Variants in GSE1 observed in about 807,000 individuals in gnomAD.
GSE1 encodes the protein genetic suppressor element 1.
Under a neutral mutation model 112.6 loss-of-function variants are expected in GSE1, and 32 were observed. The ratio of observed to expected loss-of-function variants is 0.28; its 90% CI spans 0.21 to 0.38. The LOEUF (loss-of-function observed/expected upper bound fraction) is 0.38. GSE1 is among the 10% of genes least tolerant of loss of function. The pLI, the probability that GSE1 is intolerant of heterozygous loss-of-function variation, is 1.00. For synonymous variants in GSE1, 1,115 were observed against 735.6 expected (o/e 1.52, Z -8.35); for missense variants, 2,348 against 1,699.2 (o/e 1.38, Z -6.71).
intron 2 of GSE1, among the ~76,000 whole-genome samples, chr16:85,410,445 C>T (rs1181318336): frequency 1.1e-4 from 2 of 18,456 alleles, no homozygotes; most frequent in Admixed American, 5.7e-4. Flanking sequence ...GGATAATCCT[C>T]ACTGTTACAC....
chr16:85,604,490 C>T (rs2047597621), intron 1 of GSE1, among the ~76,000 whole-genome samples: 2 of 151,684 alleles, frequency 1.3e-5, no homozygotes, highest in African/African-American at 2.4e-5. Context: ...TTTGCGTGGA[C>T]GCGAAGGTAT....
chr16:85,257,336 C>A (rs1488913079), intron 1 of GSE1, among the ~76,000 whole-genome samples: 1 of 152,188 alleles, frequency 6.6e-6, no homozygotes, highest in Admixed American at 6.5e-5. Context: ...GTCTCGAACT[C>A]TTAACCTCAG....
At chr16:85,474,211 G>C (rs12931110) in intron 2 of GSE1, among the ~76,000 whole-genome samples, 1 of 151,988 alleles carries the variant, frequency 6.6e-6, no homozygotes, top group African/African-American at 2.4e-5. Context: ...GGACAGAGAA[G>C]GGGGGCAGAG....
At position 85,469,659 on chromosome 16, in the gene GSE1, G is replaced by C. The variant is rs555742414; in HGVS notation, c.2464+112016G>C. On this transcript the variant is annotated intron_variant, in intron 2 of 2. Coordinates refer to the GSE1 transcript ENST00000637419. ...GAGGCCCCCAGTACTGTGGGGCATA[G>C]CTTTGGGGACCTGGGTCCTGCTGCT... 2.6e-5 allele frequency among the ~76,000 whole-genome samples: 4 copies of C among 152,336 alleles called. No homozygotes were observed. The South Asian group carries it at 8.3e-4, about 32-fold the overall frequency.
At chr16:85,336,067 C>T (rs368642563) in intron 1 of GSE1, among the ~76,000 whole-genome samples, 25 of 152,220 alleles carry the variant, frequency 1.6e-4, no homozygotes, top group South Asian at 1.0e-3. Flanking sequence ...AGGAACAGGG[C>T]GTGGAGGCTG....
chr16:85,605,647 C>G (rs1389900261), intron 1 of GSE1, among the ~76,000 whole-genome samples: 1 of 151,866 alleles, frequency 6.6e-6, no homozygotes, highest in South Asian at 2.1e-4. Flanking sequence ...CATGTCCATC[C>G]TCCCCCTGCA....
intron 2 of GSE1, among the ~76,000 whole-genome samples, chr16:85,459,814 T>A (rs1474110806): frequency 6.6e-6 from 1 of 152,218 alleles, no homozygotes; most frequent in African/African-American, 2.4e-5. Flanking sequence ...GAGCACTTGT[T>A]TTGTGCAAGG....
At chr16:85,275,252 G>A (rs1207932464) in intron 1 of GSE1, among the ~76,000 whole-genome samples, 4 of 152,196 alleles carry the variant, frequency 2.6e-5, no homozygotes, top group Non-Finnish European at 5.9e-5. Context: ...TCCCTGCTAG[G>A]ACAGCCAGCC....
intron 2 of GSE1, among the ~76,000 whole-genome samples, chr16:85,443,127 C>T (rs2049421150): frequency 6.6e-6 from 1 of 152,238 alleles, no homozygotes; most frequent in Non-Finnish European, 1.5e-5. Flanking sequence ...CAGTAAGGTC[C>T]TAGCCTAAGG....
chr16:85,381,729 G>A (rs898967211), intron 2 of GSE1, among the ~76,000 whole-genome samples: 4 of 152,206 alleles, frequency 2.6e-5, no homozygotes, highest in Non-Finnish European at 5.9e-5. Context: ...GCGGCCCTTG[G>A]GAACTGCTTC....
chr16:85,315,131 A>G (rs1266452455), intron 1 of GSE1, among the ~76,000 whole-genome samples: 2 of 151,568 alleles, frequency 1.3e-5, no homozygotes, highest in Non-Finnish European at 2.9e-5. Context: ...GGGCCTTAAC[A>G]TCTTCCTCTG....
intron 2 of GSE1, among the ~76,000 whole-genome samples, chr16:85,541,356 C>T (rs1598115412): frequency 1.3e-5 from 2 of 152,352 alleles, no homozygotes; most frequent in Non-Finnish European, 1.5e-5. Flanking sequence ...CTCCACTGTG[C>T]CCTGCCAGAG....
intron 2 of GSE1, among the ~76,000 whole-genome samples, chr16:85,384,799 T>C (rs544987282): frequency 6.6e-6 from 1 of 152,214 alleles, no homozygotes; most frequent in South Asian, 2.1e-4. Flanking sequence ...TGGAAACAGG[T>C]CCTCCAGCGC....
intron 1 of GSE1, among the ~76,000 whole-genome samples, chr16:85,560,926 C>G (rs559970869): frequency 6.6e-6 from 1 of 152,060 alleles, no homozygotes; most frequent in African/African-American, 2.4e-5. Context: ...CCCAGGAGCT[C>G]GAGACCAGCC....
chr16:85,656,772 T>G (rs2151936109), intron 7 of GSE1, 107 bp downstream of exon 7: 2 of 1,403,272 alleles, frequency 1.4e-6, no homozygotes, highest in African/African-American at 1.4e-5. Flanking sequence ...GTTCCCCAGC[T>G]GAGTTCGCCC....
intron 1 of GSE1, among the ~76,000 whole-genome samples, chr16:85,342,390 A>T (rs557825240): frequency 1.3e-5 from 2 of 152,152 alleles, no homozygotes; most frequent in Non-Finnish European, 2.9e-5. Context: ...TCTAGTGATC[A>T]CTTTAGCTAA....
intron 2 of GSE1, among the ~76,000 whole-genome samples, chr16:85,411,010 A>G (rs1233477930): frequency 4.7e-5 from 2 of 42,870 alleles, no homozygotes; most frequent in Non-Finnish European, 8.0e-5. Flanking sequence ...TGTTACACTC[A>G]GAGCCCCCCT....
intron 2 of GSE1, among the ~76,000 whole-genome samples, chr16:85,508,313 C>G (rs1028995578): frequency 6.6e-6 from 1 of 152,198 alleles, no homozygotes; most frequent in Non-Finnish European, 1.5e-5. Flanking sequence ...GGATTACAGG[C>G]AGGAGCCACC....
intron 1 of GSE1, among the ~76,000 whole-genome samples, chr16:85,178,148 G>T (rs779840492): frequency 3.9e-5 from 6 of 152,170 alleles, no homozygotes; most frequent in Non-Finnish European, 7.3e-5. Context: ...CTGAGGTCAG[G>T]GAAGGGTCTG....
Sources: gnomAD v4.1 joint callset for allele counts (sites outside exome capture counted in the v4.1 genomes callset) on GRCh38, gnomAD v4.1.1 for gene constraint, MANE v1.5 for transcripts, NCBI Gene and HGNC (gene_info 2026-07-23, HGNC 2026-07-21) for gene names.